CEACAM3: variants seen among roughly 807,000 people sequenced by gnomAD.
CEACAM3 encodes CEA cell adhesion molecule 3.
Under a neutral mutation model 30.1 loss-of-function variants are expected in CEACAM3, and 32 were observed. The ratio of observed to expected loss-of-function variants is 1.06; its 90% CI spans 0.80 to 1.43. CEACAM3 has a LOEUF of 1.43. Ranked by LOEUF, CEACAM3 falls within the 40% of genes most tolerant of loss-of-function variation. The pLI is 0.00. For missense variants in CEACAM3, 290 were observed against 316.3 expected, an observed-to-expected ratio of 0.92 and a Z score of 0.63; for synonymous variants, 134 against 127.2, an observed-to-expected ratio of 1.05 and a Z score of -0.36.
chr19:41,804,685 C>T (rs971666171), intron 2 of CEACAM3, among the ~76,000 whole-genome samples: 1 of 152,172 alleles, frequency 6.6e-6, no homozygotes, highest in South Asian at 2.1e-4. Flanking sequence ...TTTCTTTGAG[C>T]TTAACATGAT....
chr19:41,810,385 C>G (rs1227574131), intron 5 of CEACAM3, 31 bp downstream of exon 5: 1 of 1,586,486 alleles, frequency 6.3e-7, no homozygotes, highest in African/African-American at 1.3e-5. Flanking sequence ...CCCCTTTCTA[C>G]TGGGGTCCCA....
chr19:41,799,265 G>A (rs2073128103), intron 2 of CEACAM3, among the ~76,000 whole-genome samples: 1 of 152,180 alleles, frequency 6.6e-6, no homozygotes, highest in Non-Finnish European at 1.5e-5. Context: ...TGACAAGTCA[G>A]TTCTCACTTT....
In CEACAM3 at chr19:41,806,515, G is replaced by A. The variant is rs559610424; in HGVS notation, c.425-2298G>A. Among the ~76,000 whole-genome samples, 4 of 152,272 alleles carry A rather than the reference G, an allele frequency of 2.6e-5. No homozygotes were observed. In the East Asian group the frequency reaches 7.7e-4, roughly 29 times the overall value. On this transcript the variant is annotated intron_variant, in intron 2 of 6. Coordinates refer to ENST00000357396, the MANE Select transcript of CEACAM3 (RefSeq NM_001815.5). ...GAGGTGCCAGGGGATGTGACTCCTG[G>A]TCCTGTGTCTGTCCAACACCCAATG...
intron 5 of CEACAM3, among the ~76,000 whole-genome samples, 157 bp from the exon 6 acceptor site, chr19:41,810,675 G>C (rs1034422377): frequency 2.0e-5 from 3 of 152,158 alleles, no homozygotes; most frequent in Non-Finnish European, 4.4e-5. Context: ...AAAAGGGTCA[G>C]GGTGCTGTGT....
At chr19:41,804,081 C>CA (rs560733370) in intron 2 of CEACAM3, among the ~76,000 whole-genome samples, 2,141 of 120,124 alleles carry the variant, frequency 0.018, 21 homozygotes, top group South Asian at 0.041. Context: ...AACTCTGCCT[C>CA]AAAAAAAAAA....
Position 41,797,779 on chromosome 19 carries a change from A to G in CEACAM3, c.255A>G (p.Gly85=). The part of the protein sequence containing the change: ...GNSLIVGYVI[G]TQQATPGAAY... Reference sequence around the variant, plus strand: ...GTCTAATTGTAGGATATGTAATAGGAACTCAACAAGCTACCCCAGGGGCCG... The same window carrying G: ...GTCTAATTGTAGGATATGTAATAGGGACTCAACAAGCTACCCCAGGGGCCG... Residue 85 remains glycine (G), a synonymous_variant, in exon 2 of 7, where the codon GGA becomes GGG. Transcript: ENST00000357396. The G allele has an allele frequency of 6.2e-7, 1 of 1,612,508 alleles. No homozygotes were observed. Among genetic ancestry groups the G allele is most frequent in the Non-Finnish European group, 8.5e-7 (1 of 1,180,028 alleles).
intron 4 of CEACAM3, 99 bp from the exon 5 acceptor site, chr19:41,810,224 C>A: frequency 6.8e-7 from 1 of 1,473,096 alleles, no homozygotes; most frequent in Non-Finnish European, 9.3e-7. Flanking sequence ...CCAACCTCAG[C>A]TGCTCAGGTA....
At chr19:41,798,440 A>T (rs1410539417) in intron 2 of CEACAM3, among the ~76,000 whole-genome samples, 1 of 152,170 alleles carries the variant, frequency 6.6e-6, no homozygotes, top group African/African-American at 2.4e-5. Flanking sequence ...GCTGACTGGG[A>T]GCAAGAATTT....
At position 41,797,645 on chromosome 19, in the gene CEACAM3, A is replaced by C; in HGVS notation, c.121A>C (p.Met41Leu). The C allele has an allele frequency of 6.2e-7, 1 of 1,614,132 alleles. No homozygotes were observed. Among genetic ancestry groups the C allele is most frequent in the Non-Finnish European group, 8.5e-7 (1 of 1,180,040 alleles). ...PTTAKLTIES[M>L]PLSVAEGKEV... ...CACTGCCAAGCTCACTATTGAATCC[A>C]TGCCGCTCAGTGTCGCAGAGGGGAA... Residue 41 changes from methionine (M) to leucine (L), a missense_variant, in exon 2 of 7, where the codon ATG becomes CTG. By Grantham distance (15) the Met-to-Leu change is conservative. Coordinates refer to ENST00000357396, the MANE Select transcript of CEACAM3 (RefSeq NM_001815.5).
At chr19:41,810,296 G>A (rs1555827412) in intron 4 of CEACAM3, 27 bp from the exon 5 acceptor site, 2 of 1,599,252 alleles carry the variant, frequency 1.3e-6, no homozygotes, top group South Asian at 1.1e-5. Context: ...CTCCCACCCT[G>A]CTGCTCACTC....
intron 2 of CEACAM3, among the ~76,000 whole-genome samples, chr19:41,802,218 G>A (rs570104574): frequency 5.9e-5 from 9 of 152,198 alleles, no homozygotes; most frequent in African/African-American, 1.7e-4. Flanking sequence ...TTTCCCTCCC[G>A]ACTCCACCCT....
chr19:41,806,977 G>T lies in CEACAM3; in HGVS notation c.425-1836G>T, dbSNP rs367928783. The T allele has an allele frequency of 6.9e-4, 1,025 of 1,490,198 alleles. 22 individuals are homozygous for T. The South Asian group carries it at 0.012, about 18-fold the overall frequency. The allele number at this position is 1,490,198 out of a possible 1,614,324, so 92.3% of individuals were successfully genotyped here. A position where few individuals can be genotyped will look rare whatever the true frequency, so the allele number is the denominator to read the frequency against. On this transcript the variant is annotated intron_variant, in intron 2 of 6. Transcript: ENST00000357396. ...GCTGGGATTACAGGCGTGAGCCACC[G>T]CACCCGGCCTTGTCTTGGTCTTTTA...
rs2073238714 is a variant in CEACAM3 at position 41,810,313 on chromosome 19, C to T, written c.596-10C>T. Reference sequence around the variant, plus strand: ...CCCACCCTGCTGCTCACTCCTGTCTCTGTTTCCAGGCCGTGGTCCCTCCCA... The same window carrying T: ...CCCACCCTGCTGCTCACTCCTGTCTTTGTTTCCAGGCCGTGGTCCCTCCCA... On this transcript the variant is annotated splice_polypyrimidine_tract_variant and intron_variant, in intron 4 of 6. Coordinates refer to ENST00000357396, the MANE Select transcript of CEACAM3 (RefSeq NM_001815.5). 1 of 1,604,142 alleles carries T rather than the reference C, an allele frequency of 6.2e-7. No individual in the cohort carries two copies. Among genetic ancestry groups the T allele is most frequent in the Non-Finnish European group, 8.5e-7 (1 of 1,175,836 alleles).
In CEACAM3 at chr19:41,810,326, G is replaced by A. The variant is rs200290615; in HGVS notation, c.599G>A (p.Arg200His). ...EQQPQALAPG[R>H]GPSHSSAFSM... ...TCACTCCTGTCTCTGTTTCCAGGCC[G>A]TGGTCCCTCCCACAGCTCTGCCTTC... The change falls in exon 5 of 7, where the codon CGT becomes CAT. Residue 200 changes from arginine (R) to histidine (H), a missense_variant. Coordinates refer to ENST00000357396, the MANE Select transcript of CEACAM3 (RefSeq NM_001815.5). 184 of 1,604,732 alleles carry A rather than the reference G, an allele frequency of 1.1e-4. No individual in the cohort carries two copies. The highest frequency in any genetic ancestry group is 1.7e-4 in the Middle Eastern group (1 of 6,056).
chr19:41,806,569 CTCT>C (rs1208217504), intron 2 of CEACAM3, among the ~76,000 whole-genome samples: 8 of 152,200 alleles, frequency 5.3e-5, no homozygotes, highest in East Asian at 1.9e-4. Context: ...TTGAGAAAGT[CTCT>C]TCTTCTTTCA....
At chr19:41,800,149 C>T (rs1309523928) in intron 2 of CEACAM3, among the ~76,000 whole-genome samples, 2 of 152,056 alleles carry the variant, frequency 1.3e-5, no homozygotes, top group Non-Finnish European at 2.9e-5. Context: ...CTCTTTATTC[C>T]AGTATTATAA....
At chr19:41,803,464 T>TG in intron 2 of CEACAM3, among the ~76,000 whole-genome samples, 1 of 102,804 alleles carries the variant, frequency 9.7e-6, no homozygotes. Flanking sequence ...GTGTGTTGTT[T>TG]TGTTTGTTTT....
intron 2 of CEACAM3, among the ~76,000 whole-genome samples, chr19:41,804,609 T>A (rs1353049932): frequency 1.3e-5 from 2 of 152,170 alleles, no homozygotes; most frequent in African/African-American, 4.8e-5. Context: ...AGTTCTGTCT[T>A]CCTAACAGGA....
rs368557028 is a variant in CEACAM3 at position 41,811,242 on chromosome 19, C to A, written c.*5C>A. The A allele has an allele frequency of 5.3e-5, 86 of 1,612,950 alleles. No homozygotes were observed. In the African/African-American group the frequency reaches 1.1e-3, roughly 20 times the overall value. On this transcript the variant is annotated 3_prime_UTR_variant, in exon 7 of 7. Transcript: ENST00000357396. ...AAAGCAGAAGTGGCTTCTTAGCTTC[C>A]TCCAGGAGCTGCTCCTGTGTGTTGA...
Sources: gnomAD v4.1 joint callset for allele counts (sites outside exome capture counted in the v4.1 genomes callset) on GRCh38, gnomAD v4.1.1 for gene constraint, MANE v1.5 for transcripts, NCBI Gene and HGNC (gene_info 2026-07-23, HGNC 2026-07-21) for gene names.